Variants in TRAPPC9 observed in about 807,000 individuals in gnomAD.
TRAPPC9 encodes the protein IKK2 binding protein.
Under a neutral mutation model 124.0 loss-of-function variants are expected in TRAPPC9, and 83 were observed. That is an observed-to-expected ratio of 0.67 (90% CI 0.56 to 0.80). The LOEUF (loss-of-function observed/expected upper bound fraction) is 0.80, where lower values mean the gene tolerates loss of function less well. Ranked by LOEUF, TRAPPC9 falls within the 30% of genes least tolerant of loss-of-function variation. The probability of loss-of-function intolerance (pLI) is 0.00; values close to 1 mark genes in which losing one functional copy is unlikely to be tolerated. For synonymous variants in TRAPPC9, 638 were observed against 617.5 expected, an observed-to-expected ratio of 1.03 and a Z score of -0.49; for missense variants, 1,302 against 1,508.3, an observed-to-expected ratio of 0.86 and a Z score of 2.27.
chr8:140,200,131 G>C (rs2062754372), intron 17 of TRAPPC9, among the ~76,000 whole-genome samples: 1 of 152,126 alleles, frequency 6.6e-6, no homozygotes, highest in African/African-American at 2.4e-5. Flanking sequence ...GGAAGTTACA[G>C]ATAAACAAGA....
chr8:140,129,641 A>G (rs2061168298), intron 17 of TRAPPC9, among the ~76,000 whole-genome samples: 1 of 152,164 alleles, frequency 6.6e-6, no homozygotes, highest in Non-Finnish European at 1.5e-5. Context: ...CTAAGTCAGC[A>G]ATGGAAGGAT....
In TRAPPC9 at chr8:140,404,906, ATGCGTG is replaced by A. The variant is rs1564002441; in HGVS notation, c.1008+665_1008+670del. Among the ~76,000 whole-genome samples, 436 of 59,674 alleles carry A rather than the reference ATGCGTG, an allele frequency of 7.3e-3. 1 individual carries two copies. Among genetic ancestry groups the A allele is most frequent in the South Asian group, 0.026 (38 of 1,450 alleles). 39.1% of individuals were successfully genotyped at this position (59,674 alleles called of 152,430 possible). A position where few individuals can be genotyped will look rare whatever the true frequency, so the allele number is the denominator to read the frequency against. ...TGCATGTGTGCACGTGTGTGTGAGC[ATGCGTG>A]TGTGTGTGTGTGTGTGTGTGTGTGT... On this transcript the variant is annotated intron_variant, in intron 6 of 22. Coordinates refer to ENST00000438773, the MANE Select transcript of TRAPPC9 (RefSeq NM_001160372.4).
intron 17 of TRAPPC9, among the ~76,000 whole-genome samples, chr8:140,190,436 C>T (rs1291154464): frequency 1.3e-5 from 2 of 151,990 alleles, no homozygotes; most frequent in African/African-American, 2.4e-5. Context: ...CCAACTTGGG[C>T]GACAGAGCCA....
At chr8:140,364,948 A>G (rs7817945) in intron 8 of TRAPPC9, among the ~76,000 whole-genome samples, 105,919 of 149,488 alleles carry the variant, frequency 0.71, 38,283 homozygotes, top group African/African-American at 0.85. Flanking sequence ...TAACTGTGTG[A>G]CTAGGGCAGA....
At chr8:140,444,883 A>C (rs2071186143) in intron 2 of TRAPPC9, among the ~76,000 whole-genome samples, 2 of 150,832 alleles carry the variant, frequency 1.3e-5, no homozygotes, top group Admixed American at 6.6e-5. Flanking sequence ...AAAAAAAAAC[A>C]GGATCTGGGC....
At chr8:139,993,204 G>A (rs1419751521) in intron 18 of TRAPPC9, among the ~76,000 whole-genome samples, 2 of 152,042 alleles carry the variant, frequency 1.3e-5, no homozygotes, top group Non-Finnish European at 2.9e-5. Flanking sequence ...AATTTATAGA[G>A]AACTCCTATA....
intron 16 of TRAPPC9, 86 bp from the exon 17 acceptor site, chr8:140,221,669 G>C (rs990724763): frequency 1.3e-6 from 2 of 1,505,356 alleles, no homozygotes; most frequent in East Asian, 2.6e-5. Flanking sequence ...GACGGGTCTC[G>C]CTCTGTCGCA....
intron 17 of TRAPPC9, among the ~76,000 whole-genome samples, chr8:140,046,126 G>A (rs1037172598): frequency 1.3e-5 from 2 of 152,190 alleles, no homozygotes; most frequent in African/African-American, 2.4e-5. Context: ...CTTGCCCAAG[G>A]AGACTGGCGT....
chr8:140,325,742 T>C (rs1176770251), intron 9 of TRAPPC9, among the ~76,000 whole-genome samples: 1 of 152,160 alleles, frequency 6.6e-6, no homozygotes, highest in Non-Finnish European at 1.5e-5. Flanking sequence ...AGCGAATACT[T>C]CCCAACTTGT....
chr8:140,060,371 C>T lies in TRAPPC9; in HGVS notation c.2557-36292G>A, dbSNP rs964965251. Among the ~76,000 whole-genome samples the T allele has an allele frequency of 2.0e-5, 3 of 152,330 alleles. No homozygotes were observed. The East Asian group carries it at 5.8e-4, about 29-fold the overall frequency. On this transcript the variant is annotated intron_variant, in intron 17 of 22. Coordinates refer to ENST00000438773, the MANE Select transcript of TRAPPC9 (RefSeq NM_001160372.4). ...GGAGTTTCACTCTCCATGTGTTCAG[C>T]TTAGGATTCAGCAATGGCCTTGTGG...
intron 15 of TRAPPC9, among the ~76,000 whole-genome samples, chr8:140,266,694 T>C (rs1206385980): frequency 1.3e-5 from 2 of 151,202 alleles, no homozygotes. Flanking sequence ...CCATCTCTAC[T>C]AAAAAATACA....
In TRAPPC9 at chr8:140,409,856, G is replaced by A. The variant is rs575628012; in HGVS notation, c.887-4158C>T. Among the ~76,000 whole-genome samples, 5 of 152,232 alleles carry A rather than the reference G, an allele frequency of 3.3e-5. No individual in the cohort carries two copies. In the South Asian group the frequency reaches 6.2e-4, roughly 19 times the overall value. On this transcript the variant is annotated intron_variant, in intron 5 of 22. Coordinates refer to ENST00000438773, the MANE Select transcript of TRAPPC9 (RefSeq NM_001160372.4). Reference sequence around the variant, plus strand: ...ATGAGGTGGAAAGAATAGGAGAGGCGCTGGGCGCAGTGGCTCACACCTATA... The same window carrying A: ...ATGAGGTGGAAAGAATAGGAGAGGCACTGGGCGCAGTGGCTCACACCTATA...
chr8:140,456,552 A>C (rs1488376487), intron 1 of TRAPPC9, among the ~76,000 whole-genome samples: 1 of 151,902 alleles, frequency 6.6e-6, no homozygotes, highest in East Asian at 2.0e-4. Context: ...GTTTCCGGAC[A>C]ACTGTTTTTC....
At chr8:139,790,809 G>A (rs1190317537) in intron 21 of TRAPPC9, among the ~76,000 whole-genome samples, 1 of 152,184 alleles carries the variant, frequency 6.6e-6, no homozygotes, top group Non-Finnish European at 1.5e-5. Context: ...GGGGCCTGGT[G>A]TAAGGTGACT....
In TRAPPC9 at chr8:139,735,681, G is replaced by GT. The variant is rs934672047; in HGVS notation, c.3056-3480dup. Among the ~76,000 whole-genome samples, 33 of 149,160 alleles carry GT rather than the reference G, an allele frequency of 2.2e-4. No homozygotes were observed. In the East Asian group the frequency reaches 4.7e-3, roughly 21 times the overall value. The stretch of plus-strand genomic sequence containing the variant: ...CTGTTTTTTTTTTTTGTTTTGTTTT[G>GT]TTTTTTTGCAGAGAACTGTGTGGGC... On this transcript the variant is annotated intron_variant, in intron 21 of 22. Coordinates refer to ENST00000438773, the MANE Select transcript of TRAPPC9 (RefSeq NM_001160372.4).
intron 7 of TRAPPC9, among the ~76,000 whole-genome samples, chr8:140,374,868 G>A (rs2068390198): frequency 6.6e-6 from 1 of 152,206 alleles, no homozygotes; most frequent in Non-Finnish European, 1.5e-5. Context: ...ATGAAAGGTT[G>A]TAAATAATAC....
intron 9 of TRAPPC9, among the ~76,000 whole-genome samples, chr8:140,333,125 C>CAAA (rs34690399): frequency 2.2e-5 from 3 of 139,230 alleles, no homozygotes; most frequent in African/African-American, 5.2e-5. Flanking sequence ...GACTTTGTCT[C>CAAA]AAAAAAAAAA....
intron 7 of TRAPPC9, among the ~76,000 whole-genome samples, chr8:140,389,686 A>C (rs2068867097): frequency 1.3e-5 from 2 of 152,212 alleles, no homozygotes; most frequent in Non-Finnish European, 2.9e-5. Context: ...TATTCAGCTC[A>C]GCTCTAAGGT....
intron 17 of TRAPPC9, among the ~76,000 whole-genome samples, chr8:140,176,610 A>G (rs556724087): frequency 8.5e-4 from 129 of 152,354 alleles, no homozygotes; most frequent in Non-Finnish European, 1.7e-3. Flanking sequence ...TTATGAATAA[A>G]GCTGCTATGG....
Sources: allele counts gnomAD v4.1 joint callset (sites outside exome capture counted in the v4.1 genomes callset), GRCh38; gene constraint gnomAD v4.1.1; transcripts MANE v1.5; gene names NCBI Gene and HGNC (gene_info 2026-07-23, HGNC 2026-07-21).